Variants in ERBB4 observed in about 807,000 individuals in gnomAD.
ERBB4 encodes receptor tyrosine-protein kinase erbB-4.
In ERBB4, 42 loss-of-function variants were observed where a neutral mutation model predicts 158.0. The observed-to-expected ratio is 0.27, with a 90% confidence interval of 0.21 to 0.34. ERBB4 has a LOEUF of 0.34. ERBB4 is among the 10% of genes least tolerant of loss of function. ERBB4 has a pLI of 1.00. For synonymous variants in ERBB4, 583 were observed against 558.7 expected (o/e 1.04, Z -0.61); for missense variants, 1,333 against 1,624.1 (o/e 0.82, Z 3.08).
At chr2:211,503,931 G>T (rs771063764) in intron 20 of ERBB4, among the ~76,000 whole-genome samples, 4 of 152,078 alleles carry the variant, frequency 2.6e-5, no homozygotes, top group Admixed American at 6.5e-5. Context: ...TTTCCTGAGA[G>T]TCCCATGCTC....
intron 1 of ERBB4, among the ~76,000 whole-genome samples, chr2:212,474,819 A>ATTTTTTTTTT (rs1295029698): frequency 1.4e-5 from 1 of 72,190 alleles, no homozygotes; most frequent in African/African-American, 9.5e-5. Flanking sequence ...ACACCCGGCC[A>ATTTTTTTTTT]TTCTTTTTTT....
At chr2:212,217,806 T>C (rs1283656529) in intron 1 of ERBB4, among the ~76,000 whole-genome samples, 2 of 151,348 alleles carry the variant, frequency 1.3e-5, no homozygotes, top group Non-Finnish European at 3.0e-5. Flanking sequence ...TATATTAATT[T>C]ATAAAATGAG....
At chr2:211,755,839 A>G (rs937026773) in intron 4 of ERBB4, among the ~76,000 whole-genome samples, 6 of 152,226 alleles carry the variant, frequency 3.9e-5, no homozygotes, top group African/African-American at 7.2e-5. Context: ...ATATGCCAGG[A>G]CAGTTGAAGA....
chr2:211,505,973 A>AAAAAAAT (rs1553551374), intron 20 of ERBB4, among the ~76,000 whole-genome samples: 1 of 151,680 alleles, frequency 6.6e-6, no homozygotes, highest in African/African-American at 2.4e-5. Flanking sequence ...AAAAAAAAAA[A>AAAAAAAT]AAAGTTATAG....
At chr2:212,389,930 T>C (rs1010977831) in intron 1 of ERBB4, among the ~76,000 whole-genome samples, 7 of 145,292 alleles carry the variant, frequency 4.8e-5, no homozygotes, top group African/African-American at 1.5e-4. Flanking sequence ...TCTGTCTTAT[T>C]AAAAAAAAAA....
At chr2:211,424,026 A>T (rs1394449680) in intron 23 of ERBB4, 129 bp downstream of exon 23, 1 of 904,152 alleles carries the variant, frequency 1.1e-6, no homozygotes, top group Non-Finnish European at 1.8e-6. Flanking sequence ...AGGCGTTCAT[A>T]TGTTCCTTTC....
intron 1 of ERBB4, among the ~76,000 whole-genome samples, chr2:212,414,888 G>A (rs1465199461): frequency 6.6e-6 from 1 of 152,162 alleles, no homozygotes; most frequent in African/African-American, 2.4e-5. Flanking sequence ...ACAGATTTCT[G>A]TCTGGTTAGA....
At chr2:212,301,187 T>A (rs560252633) in intron 1 of ERBB4, among the ~76,000 whole-genome samples, 17 of 151,172 alleles carry the variant, frequency 1.1e-4, no homozygotes, top group African/African-American at 3.6e-4. Flanking sequence ...AGGACCTGCC[T>A]TCATCTTACC....
chr2:211,994,747 A>G (rs190534714), intron 2 of ERBB4, among the ~76,000 whole-genome samples: 60 of 152,338 alleles, frequency 3.9e-4, no homozygotes, highest in African/African-American at 1.2e-3. Flanking sequence ...AGTCCAAAGA[A>G]GGAGCCGTAG....
At chr2:212,250,790 T>C (rs1248325383) in intron 1 of ERBB4, among the ~76,000 whole-genome samples, 3 of 150,772 alleles carry the variant, frequency 2.0e-5, no homozygotes, top group South Asian at 2.1e-4. Context: ...AATAAGATTA[T>C]GGTGAAAAAA....
Position 212,508,068 on chromosome 2 carries a change from C to T in ERBB4, c.82+30381G>A, listed in dbSNP as rs141319519. ...AGCAACCATCAACAGCCAAGCAAGA[C>T]CCTCCCCCAGCAAAATGATTACAAC... is the stretch of plus-strand genomic sequence containing the variant. On this transcript the variant is annotated intron_variant, in intron 1 of 27. Transcript: ENST00000342788. Among the ~76,000 whole-genome samples the T allele has an allele frequency of 3.3e-5, 5 of 152,270 alleles. No individual in the cohort carries two copies. In the East Asian group the frequency reaches 7.7e-4, roughly 24 times the overall value.
Position 211,453,718 on chromosome 2 carries a change from G to C in ERBB4, c.2488-22618C>G, listed in dbSNP as rs532535288. ...GCAGACAGGCAGACGTGGATCCCAG[G>C]ATAATAGACGTATTTGGTGTTAGAT... is the stretch of plus-strand genomic sequence containing the variant. On this transcript the variant is annotated intron_variant, in intron 20 of 27. Transcript: ENST00000342788. Among the ~76,000 whole-genome samples the C allele has an allele frequency of 1.3e-3, 198 of 152,200 alleles. 1 individual carries two copies. The highest frequency in any genetic ancestry group is 4.4e-3 in the African/African-American group (183 of 41,528).
chr2:211,754,996 C>T (rs923430206), intron 4 of ERBB4, among the ~76,000 whole-genome samples: 18 of 152,126 alleles, frequency 1.2e-4, no homozygotes, highest in East Asian at 1.9e-4. Flanking sequence ...CCACTGCGCC[C>T]GGCCTGCTAT....
chr2:211,825,430 A>G (rs1310457826), intron 3 of ERBB4, among the ~76,000 whole-genome samples: 1 of 151,826 alleles, frequency 6.6e-6, no homozygotes, highest in Non-Finnish European at 1.5e-5. Context: ...AGCTTTTATT[A>G]TTTTTTGTCT....
intron 1 of ERBB4, among the ~76,000 whole-genome samples, chr2:212,300,455 C>T (rs2086578000): frequency 6.6e-6 from 1 of 151,526 alleles, no homozygotes; most frequent in Admixed American, 6.6e-5. Context: ...ACAAATGTGA[C>T]CCTAAAATTT....
intron 4 of ERBB4, among the ~76,000 whole-genome samples, chr2:211,772,908 TACACAC>T (rs200843814): frequency 0.2 from 12,143 of 60,926 alleles, 1,978 homozygotes; most frequent in Non-Finnish European, 0.25. Flanking sequence ...CATATATATA[TACACAC>T]ACACACACAC....
chr2:211,676,602 G>C (rs2072082820), intron 13 of ERBB4, among the ~76,000 whole-genome samples: 1 of 152,124 alleles, frequency 6.6e-6, no homozygotes, highest in South Asian at 2.1e-4. Flanking sequence ...TGAAAAATCA[G>C]ATACCTTACG....
At chr2:211,667,444 A>G (rs994875043) in intron 14 of ERBB4, among the ~76,000 whole-genome samples, 26 of 132,314 alleles carry the variant, frequency 2.0e-4, no homozygotes, top group African/African-American at 7.6e-4. Context: ...TCAGAGCTCG[A>G]AAAAAAAAAA....
chr2:211,639,245 T>G (rs1482948031), intron 16 of ERBB4, among the ~76,000 whole-genome samples: 1 of 152,210 alleles, frequency 6.6e-6, no homozygotes, highest in East Asian at 1.9e-4. Context: ...AACAGAATAT[T>G]GTAAATATTT....
Sources: gnomAD v4.1 joint callset for allele counts (sites outside exome capture counted in the v4.1 genomes callset) on GRCh38, gnomAD v4.1.1 for gene constraint, MANE v1.5 for transcripts, NCBI Gene and HGNC (gene_info 2026-07-23, HGNC 2026-07-21) for gene names.